The following OSR2 variants were observed in gnomAD, a reference collection of about 807,000 sequenced individuals.
OSR2 encodes the protein protein odd-skipped-related 2.
A neutral mutation model predicts 22.3 loss-of-function variants in OSR2; 8 were observed. The ratio of observed to expected loss-of-function variants is 0.36; its 90% CI spans 0.21 to 0.65. The LOEUF is 0.65. Among genes scored for constraint, OSR2 ranks in the 30% least tolerant of loss-of-function variants. The pLI, the probability that OSR2 is intolerant of heterozygous loss-of-function variation, is 0.66. For synonymous variants in OSR2, 179 were observed against 173.8 expected (o/e 1.03, Z -0.23); for missense variants, 311 against 413.4 (o/e 0.75, Z 2.15).
Position 98,948,380 on chromosome 8 carries a change from ACCCACCGTT to A in OSR2, c.-114-454_-114-446del. ...GTGGGATCTCACGACCCATCCGTTA[ACCCACCGTT>A]CCCAGGAGCTCCGAGGCGCAGCGGC... On this transcript the variant is annotated intron_variant, in intron 1 of 3. Coordinates refer to ENST00000297565, the MANE Select transcript of OSR2 (RefSeq NM_001142462.3). The surrounding 1 kb of genome is among the most constrained non-coding windows in gnomAD (Gnocchi z 6.0). The A allele has an allele frequency of 6.8e-7, 1 of 1,479,350 alleles. No homozygotes were observed. Among genetic ancestry groups the A allele is most frequent in the Non-Finnish European group, 9.0e-7 (1 of 1,117,052 alleles). The allele number at this position is 1,479,350 out of a possible 1,614,324, so 91.6% of individuals were successfully genotyped here. A position where few individuals can be genotyped will look rare whatever the true frequency, so the allele number is the denominator to read the frequency against.
chr8:98,947,574 G>C (rs1204645366), intron 1 of OSR2, among the ~76,000 whole-genome samples: 1 of 152,190 alleles, frequency 6.6e-6, no homozygotes, highest in African/African-American at 2.4e-5. Flanking sequence ...TTCTAAAAAG[G>C]GGCTGGTAGT....
intron 3 of OSR2, 153 bp downstream of exon 3, chr8:98,950,908 A>G: frequency 4.5e-6 from 3 of 662,710 alleles, no homozygotes; most frequent in Non-Finnish European, 8.1e-6. Flanking sequence ...TCTTTAATAC[A>G]TAAAATTAAT....
chr8:98,948,687 G>A lies in OSR2; in HGVS notation c.-114-152G>A. 1 of 1,065,210 alleles carries A rather than the reference G, an allele frequency of 9.4e-7. No individual in the cohort carries two copies. Among genetic ancestry groups the A allele is most frequent in the Non-Finnish European group, 1.3e-6 (1 of 762,130 alleles). 66.0% of individuals were successfully genotyped at this position (1,065,210 alleles called of 1,614,324 possible). On this transcript the variant is annotated intron_variant, in intron 1 of 3. Coordinates refer to ENST00000297565, the MANE Select transcript of OSR2 (RefSeq NM_001142462.3). The surrounding 1 kb of genome is among the most constrained non-coding windows in gnomAD (Gnocchi z 6.0). The stretch of plus-strand genomic sequence containing the variant: ...CACGCGGACTTGAGCAGGTGCCAAG[G>A]TGCCACGCAGTCCCCTCACGGCTTT...
chr8:98,949,669 G>C lies in OSR2; in HGVS notation c.656+61G>C. On this transcript the variant is annotated intron_variant, in intron 2 of 3. Transcript: ENST00000297565. This position sits in a 1 kb window ranked among gnomAD's most constrained non-coding sequence, Gnocchi z 5.9. ...AGCGAATTTGTCCTGGACACACCGA[G>C]TCCTGATAGACATTCCCAGTGTCAT... 9 of 1,533,992 alleles carry C rather than the reference G, an allele frequency of 5.9e-6. No homozygotes were observed. The South Asian group carries it at 1.0e-4, about 17-fold the overall frequency.
In OSR2 at chr8:98,949,987, C is replaced by A. The variant is rs975546686; in HGVS notation, c.656+379C>A. Among the ~76,000 whole-genome samples, 1 of 149,578 alleles carries A rather than the reference C, an allele frequency of 6.7e-6. No individual in the cohort carries two copies. The highest frequency in any genetic ancestry group is 1.5e-5 in the Non-Finnish European group (1 of 67,252). On this transcript the variant is annotated intron_variant, in intron 2 of 3. Transcript: ENST00000297565. The surrounding 1 kb of genome is among the most constrained non-coding windows in gnomAD (Gnocchi z 5.9). ...TTCTGTTGGGTTTCGTCCCTCCCCC[C>A]ACCCCCCACCCTCCACCCAGGTGCG...
Position 98,949,741 on chromosome 8 carries a change from C to A in OSR2, c.656+133C>A. The A allele has an allele frequency of 9.2e-7, 1 of 1,087,956 alleles. No homozygotes were observed. The highest frequency in any genetic ancestry group is 1.3e-6 in the Non-Finnish European group (1 of 767,852). 67.4% of individuals were successfully genotyped at this position (1,087,956 alleles called of 1,614,324 possible). Reference sequence around the variant, plus strand: ...ATACACCCTCAGTCACGCTCCTCAGCCCGGTTCAGCTAATTCCCAACATCT... The same window carrying A: ...ATACACCCTCAGTCACGCTCCTCAGACCGGTTCAGCTAATTCCCAACATCT... On this transcript the variant is annotated intron_variant, in intron 2 of 3. Transcript: ENST00000297565. The surrounding 1 kb of genome is among the most constrained non-coding windows in gnomAD (Gnocchi z 5.9).
At position 98,948,264 on chromosome 8, in the gene OSR2, A is replaced by G; in HGVS notation, c.-114-575A>G. 1.3e-6 allele frequency: 2 copies of G among 1,509,990 alleles called. No individual in the cohort carries two copies. The highest frequency in any genetic ancestry group is 1.8e-6 in the Non-Finnish European group (2 of 1,131,210). The allele number at this position is 1,509,990 out of a possible 1,614,324, so 93.5% of individuals were successfully genotyped here. ...TCCCAGGGCCCTCTGGCCCAGGAGGATGAAGCGCGCCGGCTTCGCTCTTGC... is the reference window on the plus strand; with the variant it reads ...TCCCAGGGCCCTCTGGCCCAGGAGGGTGAAGCGCGCCGGCTTCGCTCTTGC... On this transcript the variant is annotated intron_variant, in intron 1 of 3. Transcript: ENST00000297565. This position sits in a 1 kb window ranked among gnomAD's most constrained non-coding sequence, Gnocchi z 6.0.
chr8:98,950,796 G>A (rs539576209), intron 3 of OSR2, 41 bp downstream of exon 3: 4 of 1,330,568 alleles, frequency 3.0e-6, no homozygotes, highest in African/African-American at 2.9e-5. Context: ...GCTGGTTCGT[G>A]TTATCATTAC....
intron 3 of OSR2, 29 bp downstream of exon 3, chr8:98,950,784 T>A: frequency 6.9e-7 from 1 of 1,452,782 alleles, no homozygotes; most frequent in Non-Finnish European, 9.6e-7. Flanking sequence ...TTAAAAACAG[T>A]GGCTGGTTCG....
At position 98,951,811 on chromosome 8, in the gene OSR2, C is replaced by G; in HGVS notation, c.*110C>G. 1 of 1,128,950 alleles carries G rather than the reference C, an allele frequency of 8.9e-7. No individual in the cohort carries two copies. Among genetic ancestry groups the G allele is most frequent in the Non-Finnish European group, 1.2e-6 (1 of 815,864 alleles). The allele number at this position is 1,128,950 out of a possible 1,614,324, so 69.9% of individuals were successfully genotyped here. ...AGCCCTTCACTGACCCCAGCTCTTC[C>G]CTTGCTGCAGCCGCACCTGCAGCTC... On this transcript the variant is annotated 3_prime_UTR_variant, in exon 4 of 4. Transcript: ENST00000297565.
At chr8:98,950,115 C>T (rs755673605) in intron 2 of OSR2, among the ~76,000 whole-genome samples, 2 of 152,130 alleles carry the variant, frequency 1.3e-5, no homozygotes, top group African/African-American at 2.4e-5. Context: ...TCCCACCTCC[C>T]TTCCGCGACC....
At position 98,949,141 on chromosome 8, in the gene OSR2, G is replaced by C. The variant is rs756619415; in HGVS notation, c.189G>C (p.Glu63Asp). ...CGCTGGGGTATCCCAATGTGCACGA[G>C]ATCACCCGCTCCACCATCACGGAGA... ...HWTLGYPNVH[E>D]ITRSTITEMA... Residue 63 changes from glutamate to aspartate, a missense_variant, in exon 2 of 4, where the codon GAG (glutamate) becomes GAC (aspartate). By Grantham distance (45) the Glu-to-Asp change is conservative (BLOSUM62 2). Coordinates refer to ENST00000297565, the MANE Select transcript of OSR2 (RefSeq NM_001142462.3). This position sits in a 1 kb window ranked among gnomAD's most constrained non-coding sequence, Gnocchi z 5.9. 4 of 1,613,154 alleles carry C rather than the reference G, an allele frequency of 2.5e-6. No individual in the cohort carries two copies. The highest frequency in any genetic ancestry group is 2.2e-5 in the South Asian group (2 of 90,978).
chr8:98,950,618 G>A lies in OSR2; in HGVS notation c.657-38G>A, dbSNP rs1379888916. On this transcript the variant is annotated intron_variant, in intron 2 of 3. Coordinates refer to ENST00000297565, the MANE Select transcript of OSR2 (RefSeq NM_001142462.3). ...GCTAAAAGTAACTCTTCACCATGGG[G>A]CAAAGTTATTTCAATGAAACCTTAT... 4.3e-6 allele frequency: 6 copies of A among 1,379,420 alleles called. No individual in the cohort carries two copies. The Admixed American group carries it at 7.4e-5, about 17-fold the overall frequency. The allele number at this position is 1,379,420 out of a possible 1,614,324, so 85.4% of individuals were successfully genotyped here.
Position 98,949,144 on chromosome 8 carries a change from C to G in OSR2, c.192C>G (p.Ile64Met). 6.2e-7 allele frequency: 1 copy of G among 1,612,682 alleles called. No individual in the cohort carries two copies. The highest frequency in any genetic ancestry group is 8.5e-7 in the Non-Finnish European group (1 of 1,179,216). ...WTLGYPNVHE[I>M]TRSTITEMAA... is the part of the protein sequence containing the mutation. Reference sequence around the variant, plus strand: ...TGGGGTATCCCAATGTGCACGAGATCACCCGCTCCACCATCACGGAGATGG... The same window carrying G: ...TGGGGTATCCCAATGTGCACGAGATGACCCGCTCCACCATCACGGAGATGG... Residue 64 changes from isoleucine to methionine, a missense_variant, in exon 2 of 4, where the codon ATC becomes ATG. Coordinates refer to ENST00000297565, the MANE Select transcript of OSR2 (RefSeq NM_001142462.3). The surrounding 1 kb of genome is among the most constrained non-coding windows in gnomAD (Gnocchi z 5.9).
rs1446591838 is a variant in OSR2 at position 98,951,966 on chromosome 8, G to A, written c.*265G>A. 5 of 344,822 alleles carry A rather than the reference G, an allele frequency of 1.5e-5. No homozygotes were observed. Among genetic ancestry groups the A allele is most frequent in the Admixed American group, 8.8e-5 (2 of 22,736 alleles). 21.4% of individuals were successfully genotyped at this position (344,822 alleles called of 1,614,324 possible). On this transcript the variant is annotated 3_prime_UTR_variant, in exon 4 of 4. Coordinates refer to ENST00000297565, the MANE Select transcript of OSR2 (RefSeq NM_001142462.3). ...CTCATTTTAGAGCTCTGTACATAAT[G>A]TTGTGGGTCTTTGTTTTGTTGTTTT...
chr8:98,951,722 G>A lies in OSR2; in HGVS notation c.*21G>A, dbSNP rs924680201. The A allele has an allele frequency of 3.1e-6, 5 of 1,596,898 alleles. No individual in the cohort carries two copies. The highest frequency in any genetic ancestry group is 2.3e-5 in the East Asian group (1 of 44,072). On this transcript the variant is annotated 3_prime_UTR_variant, in exon 4 of 4. Transcript: ENST00000297565. ...TCTAGAGAAGCCCAGGATCTGTCCC[G>A]TGCCGCCGCTGCTCCCCTCCCCAGA...
chr8:98,949,437 G>C lies in OSR2; in HGVS notation c.485G>C (p.Gly162Ala). 6.2e-7 allele frequency: 1 copy of C among 1,614,076 alleles called. No homozygotes were observed. The highest frequency in any genetic ancestry group is 8.5e-7 in the Non-Finnish European group (1 of 1,179,902). The change falls in exon 2 of 4, where the codon GGA (glycine) becomes GCA (alanine). Residue 162 changes from glycine to alanine, a missense_variant. Transcript: ENST00000297565. The surrounding 1 kb of genome is among the most constrained non-coding windows in gnomAD (Gnocchi z 5.9). ...KLTPDRKPSR[G>A]RLPSKTKKEF... ...ACTCCGGACAGAAAGCCCTCTCGAG[G>C]AAGGTTGCCCTCCAAAACGAAAAAA...
At chr8:98,951,086 T>C (rs1216962897) in intron 3 of OSR2, 2 of 524,568 alleles carry the variant, frequency 3.8e-6, no homozygotes, top group Non-Finnish European at 6.6e-6. Flanking sequence ...TGAAATCCCA[T>C]ACGTTCTCTT....
intron 1 of OSR2, among the ~76,000 whole-genome samples, chr8:98,945,402 A>G (rs577962860): frequency 6.6e-6 from 1 of 152,246 alleles, no homozygotes; most frequent in East Asian, 1.9e-4. Flanking sequence ...GAGAAACGGC[A>G]AGTGAGAAAG....
Sources: gnomAD v4.1 joint callset for allele counts (sites outside exome capture counted in the v4.1 genomes callset) on GRCh38, gnomAD v4.1.1 for gene constraint, Gnocchi (gnomAD v3.1) non-coding constraint, MANE v1.5 for transcripts, NCBI Gene and HGNC (gene_info 2026-07-23, HGNC 2026-07-21) for gene names.